Variants in IMPG2 observed in about 807,000 individuals in gnomAD.
IMPG2 encodes the protein interphotoreceptor matrix proteoglycan 2.
Under a neutral mutation model 129.2 loss-of-function variants are expected in IMPG2, and 91 were observed. The observed-to-expected ratio is 0.70, with a 90% CI of 0.59 to 0.84. The LOEUF (loss-of-function observed/expected upper bound fraction) is 0.84. Ranked by LOEUF, IMPG2 falls within the 40% of genes least tolerant of loss-of-function variation. IMPG2 has a pLI of 0.00. For synonymous variants in IMPG2, 510 were observed against 517.7 expected (o/e 0.99, Z 0.20); for missense variants, 1,430 against 1,461.7 (o/e 0.98, Z 0.35).
chr3:101,307,510 T>G lies in IMPG2; in HGVS notation c.335-3198A>C, dbSNP rs116226776. Among the ~76,000 whole-genome samples, 875 of 152,266 alleles carry G rather than the reference T, an allele frequency of 5.7e-3. 9 individuals carry two copies. Among genetic ancestry groups the G allele is most frequent in the African/African-American group, 0.02 (817 of 41,552 alleles). On this transcript the variant is annotated intron_variant, in intron 2 of 18. Transcript: ENST00000193391. Reference sequence around the variant, plus strand: ...GGAAGCAAACACATCCTTCTTCACATGGCAACAGGAGAAAGAAATGTTGAG... The same window carrying G: ...GGAAGCAAACACATCCTTCTTCACAGGGCAACAGGAGAAAGAAATGTTGAG...
At chr3:101,230,846 G>T in intron 16 of IMPG2, 111 bp downstream of exon 16, 1 of 911,868 alleles carries the variant, frequency 1.1e-6, no homozygotes, top group Non-Finnish European at 1.8e-6. Flanking sequence ...CAAATTCATA[G>T]CTCTCTTCCA....
Position 101,283,189 on chromosome 3 carries a change from A to AT in IMPG2, c.534-6477dup, listed in dbSNP as rs551202457. On this transcript the variant is annotated intron_variant, in intron 4 of 18. Coordinates refer to ENST00000193391, the MANE Select transcript of IMPG2 (RefSeq NM_016247.4). Reference sequence around the variant, plus strand: ...AGGTGCACGCCACCATGCCTGGCTAATTTTTTTTGTATTTTTGTAGAGACG... The same window carrying AT: ...AGGTGCACGCCACCATGCCTGGCTAATTTTTTTTTGTATTTTTGTAGAGACG... Among the ~76,000 whole-genome samples the AT allele has an allele frequency of 1.4e-4, 21 of 151,514 alleles. No homozygotes were observed. In the East Asian group the frequency reaches 2.9e-3, roughly 21 times the overall value.
chr3:101,223,267 T>C lies in IMPG2; in HGVS notation c.*3702A>G, dbSNP rs1159489508. On this transcript the variant is annotated 3_prime_UTR_variant, in exon 19 of 19. Coordinates refer to ENST00000193391, the MANE Select transcript of IMPG2 (RefSeq NM_016247.4). ...AGGATCTTGACTCACTGCAGCTGGA[T>C]TGTAAATGAGGAAGGCTGGCCCCAC... 6.6e-6 allele frequency: 1 copy of C among 152,230 alleles called. No homozygotes were observed. The highest frequency in any genetic ancestry group is 2.4e-5 in the African/African-American group (1 of 41,464). The allele number at this position is 152,230 out of a possible 1,614,324, so 9.4% of individuals were successfully genotyped here. A position where few individuals can be genotyped will look rare whatever the true frequency, so the allele number is the denominator to read the frequency against.
chr3:101,226,893 T>C lies in IMPG2; in HGVS notation c.*76A>G. 6.9e-7 allele frequency: 1 copy of C among 1,456,104 alleles called. No individual in the cohort carries two copies. The highest frequency in any genetic ancestry group is 9.6e-7 in the Non-Finnish European group (1 of 1,039,566). The allele number at this position is 1,456,104 out of a possible 1,614,324, so 90.2% of individuals were successfully genotyped here. ...CTTCCAACAGTGTTTAAAATCCAGG[T>C]TAATTATATGACATAAGTAACAAGT... is the stretch of plus-strand genomic sequence containing the variant. On this transcript the variant is annotated 3_prime_UTR_variant, in exon 19 of 19. Transcript: ENST00000193391.
intron 11 of IMPG2, among the ~76,000 whole-genome samples, chr3:101,247,299 C>A (rs1706490689): frequency 6.6e-6 from 1 of 152,066 alleles, no homozygotes; most frequent in African/African-American, 2.4e-5. Context: ...CCTTTTCAGT[C>A]CTAAGAAGGT....
chr3:101,270,953 C>CTGGG (rs1706776642), intron 7 of IMPG2, among the ~76,000 whole-genome samples: 1 of 152,054 alleles, frequency 6.6e-6, no homozygotes, highest in Admixed American at 6.5e-5. Flanking sequence ...GGCAACATCT[C>CTGGG]TGGGCATCTG....
chr3:101,256,161 GAAAGAAAGAA>G (rs1373748245), intron 10 of IMPG2, among the ~76,000 whole-genome samples: 1 of 115,356 alleles, frequency 8.7e-6, no homozygotes, highest in Non-Finnish European at 1.9e-5. Flanking sequence ...AAGAAAGAAA[GAAAGAAAGAA>G]AGAAAGAAAG....
intron 11 of IMPG2, among the ~76,000 whole-genome samples, chr3:101,248,313 T>C (rs1706505770): frequency 1.3e-5 from 2 of 152,198 alleles, no homozygotes; most frequent in African/African-American, 4.8e-5. Flanking sequence ...GCTCATCTCT[T>C]GTCTAACACC....
At chr3:101,301,717 A>G (rs1707141198) in intron 3 of IMPG2, among the ~76,000 whole-genome samples, 1 of 151,846 alleles carries the variant, frequency 6.6e-6, no homozygotes, top group Non-Finnish European at 1.5e-5. Flanking sequence ...TTTTGTTCCT[A>G]TTTACATCTC....
chr3:101,281,254 A>C (rs1706890028), intron 4 of IMPG2, among the ~76,000 whole-genome samples: 1 of 152,216 alleles, frequency 6.6e-6, no homozygotes, highest in Non-Finnish European at 1.5e-5. Context: ...CATTCTTTCA[A>C]GATGTCTGGC....
Position 101,235,242 on chromosome 3 carries a change from T to A in IMPG2, c.3023-2251A>T, listed in dbSNP as rs528845734. ...CCGAAGGAAAGTGTGAGAGTCTTTT[T>A]TCCCCTGGGCCCTCTGAATAAACTG... On this transcript the variant is annotated intron_variant, in intron 14 of 18. Coordinates refer to ENST00000193391, the MANE Select transcript of IMPG2 (RefSeq NM_016247.4). Among the ~76,000 whole-genome samples the A allele has an allele frequency of 2.0e-5, 3 of 152,352 alleles. No homozygotes were observed. In the East Asian group the frequency reaches 5.8e-4, roughly 29 times the overall value.
intron 11 of IMPG2, among the ~76,000 whole-genome samples, chr3:101,253,219 T>C (rs1262023940): frequency 6.6e-6 from 1 of 152,158 alleles, no homozygotes; most frequent in Non-Finnish European, 1.5e-5. Flanking sequence ...CCCTGTCATC[T>C]GTCAGCTAGT....
intron 4 of IMPG2, among the ~76,000 whole-genome samples, chr3:101,287,478 A>G (rs1706960603): frequency 6.6e-6 from 1 of 152,140 alleles, no homozygotes; most frequent in Admixed American, 6.6e-5. Flanking sequence ...CACACTATCC[A>G]ACTTCCAACC....
intron 3 of IMPG2, among the ~76,000 whole-genome samples, chr3:101,303,214 C>G (rs1368891175): frequency 6.6e-6 from 1 of 152,114 alleles, no homozygotes; most frequent in African/African-American, 2.4e-5. Flanking sequence ...TGCTCATATA[C>G]TCATTTAAAC....
intron 4 of IMPG2, among the ~76,000 whole-genome samples, chr3:101,288,564 A>G (rs1029301116): frequency 3.9e-5 from 6 of 152,156 alleles, no homozygotes; most frequent in African/African-American, 1.4e-4. Context: ...CTTGGATGGA[A>G]TTGGAGGCCA....
chr3:101,266,377 T>A (rs1251341878), intron 9 of IMPG2, among the ~76,000 whole-genome samples: 1 of 152,204 alleles, frequency 6.6e-6, no homozygotes, highest in Non-Finnish European at 1.5e-5. Flanking sequence ...AACTTCCAAA[T>A]GCATTTTAAA....
intron 3 of IMPG2, among the ~76,000 whole-genome samples, chr3:101,292,670 ATTTT>A (rs1357407708): frequency 6.6e-6 from 1 of 152,100 alleles, no homozygotes; most frequent in African/African-American, 2.4e-5. Context: ...CCATCAATTG[ATTTT>A]TTCTTTCACG....
chr3:101,302,164 T>C (rs1233416575), intron 3 of IMPG2, among the ~76,000 whole-genome samples: 1 of 152,232 alleles, frequency 6.6e-6, no homozygotes, highest in Non-Finnish European at 1.5e-5. Context: ...CATCATTCCC[T>C]TCATCTGCTT....
Position 101,245,934 on chromosome 3 carries a change from C to T in IMPG2, c.1411G>A (p.Gly471Ser). 1 of 1,614,104 alleles carries T rather than the reference C, an allele frequency of 6.2e-7. No homozygotes were observed. Among genetic ancestry groups the T allele is most frequent in the South Asian group, 1.1e-5 (1 of 91,082 alleles). ...AAAACCTCTGGGGAAGAGCTGAGGC[C>T]CATCTTCGAGGGAAAGGCTAATTTG... ...THKLAFPSKMGLSSSPEVLEV... is the reference protein window; with the variant it reads ...THKLAFPSKMSLSSSPEVLEV... The change falls in exon 12 of 19, where the codon GGC (glycine) becomes AGC (serine). Residue 471 changes from glycine (G) to serine (S), a missense_variant. Coordinates refer to ENST00000193391, the MANE Select transcript of IMPG2 (RefSeq NM_016247.4).
Sources: allele counts gnomAD v4.1 joint callset (sites outside exome capture counted in the v4.1 genomes callset), GRCh38; gene constraint gnomAD v4.1.1; transcripts MANE v1.5; gene names NCBI Gene and HGNC (gene_info 2026-07-23, HGNC 2026-07-21).